The following PABPC4L variants were observed in gnomAD, a reference collection of about 807,000 sequenced individuals.
The protein encoded by PABPC4L is poly(A) binding protein cytoplasmic 4 like, also known as polyadenylate-binding protein 4-like.
For missense variants in PABPC4L, 452 were observed against 451.4 expected (o/e 1.00, Z -0.01); for synonymous variants, 169 against 164.1 (o/e 1.03, Z -0.23).
At chr4:134,148,761 C>T in the PABPC4L span, among the ~76,000 whole-genome samples, 2 of 152,088 alleles carry the variant, frequency 1.3e-5, no homozygotes, top group Non-Finnish European at 2.9e-5. Context: ...GTTATCCCTG[C>T]CAGTATACTA....
At chr4:133,992,140 G>A in the PABPC4L span, among the ~76,000 whole-genome samples, 5 of 152,286 alleles carry the variant, frequency 3.3e-5, no homozygotes, top group East Asian at 1.9e-4. Flanking sequence ...TAAGGGAATG[G>A]GATGTGGCTA....
At chr4:134,055,025 C>T in the PABPC4L span, among the ~76,000 whole-genome samples, 1 of 151,872 alleles carries the variant, frequency 6.6e-6, no homozygotes, top group Admixed American at 6.6e-5. Flanking sequence ...TGAATACATG[C>T]TAGGGTTTGG....
At chr4:134,062,957 T>C in the PABPC4L span, among the ~76,000 whole-genome samples, 3 of 152,086 alleles carry the variant, frequency 2.0e-5, no homozygotes, top group African/African-American at 7.2e-5. Context: ...TGTTTAAAAA[T>C]TATTTGGCAG....
the PABPC4L span, among the ~76,000 whole-genome samples, chr4:134,170,955 T>C: frequency 1.3e-5 from 2 of 152,294 alleles, no homozygotes; most frequent in South Asian, 2.1e-4. Context: ...CCCCCAGCAG[T>C]GTATAAGTGT....
the PABPC4L span, among the ~76,000 whole-genome samples, chr4:133,979,562 T>C: frequency 6.6e-6 from 1 of 152,098 alleles, no homozygotes; most frequent in Non-Finnish European, 1.5e-5. Context: ...TGCCTGGGCT[T>C]TCCGTATTAG....
the PABPC4L span, among the ~76,000 whole-genome samples, chr4:134,175,490 C>T: frequency 5.7e-4 from 86 of 151,544 alleles, 1 homozygote; most frequent in Admixed American, 4.9e-3. Flanking sequence ...GCTCTGTCGC[C>T]CAGGCTGAAT....
the PABPC4L span, among the ~76,000 whole-genome samples, chr4:133,952,792 A>T: frequency 6.6e-6 from 1 of 152,040 alleles, no homozygotes; most frequent in East Asian, 1.9e-4. Context: ...TAATCTAATA[A>T]TCAGGTCTCA....
the PABPC4L span, among the ~76,000 whole-genome samples, chr4:134,031,429 A>G: frequency 6.6e-6 from 1 of 152,096 alleles, no homozygotes; most frequent in Middle Eastern, 3.4e-3. Context: ...TGACTGCTTT[A>G]TCACATCATG....
At chr4:134,012,797 C>T in the PABPC4L span, among the ~76,000 whole-genome samples, 1 of 152,132 alleles carries the variant, frequency 6.6e-6, no homozygotes, top group African/African-American at 2.4e-5. Context: ...CTCTCTTCTC[C>T]AACCTCCCTC....
At chr4:134,133,717 G>T in the PABPC4L span, among the ~76,000 whole-genome samples, 2 of 151,782 alleles carry the variant, frequency 1.3e-5, no homozygotes, top group Non-Finnish European at 2.9e-5. Context: ...AGGGACAAAA[G>T]ACTATACACT....
At chr4:134,176,485 A>G in the PABPC4L span, among the ~76,000 whole-genome samples, 1 of 152,066 alleles carries the variant, frequency 6.6e-6, no homozygotes, top group African/African-American at 2.4e-5. Flanking sequence ...AAATAATAAT[A>G]ATGATAATAA....
the PABPC4L span, among the ~76,000 whole-genome samples, chr4:133,986,795 G>A: frequency 6.6e-6 from 1 of 151,738 alleles, no homozygotes; most frequent in Non-Finnish European, 1.5e-5. Flanking sequence ...GAGTGCAGTG[G>A]CACGATCTCA....
chr4:134,065,206 C>T, the PABPC4L span, among the ~76,000 whole-genome samples: 1 of 152,078 alleles, frequency 6.6e-6, no homozygotes, highest in South Asian at 2.1e-4. Flanking sequence ...ATTTACATTC[C>T]CACCAGCAAT....
chr4:134,138,417 TTCTG>T, the PABPC4L span, among the ~76,000 whole-genome samples: 11 of 151,806 alleles, frequency 7.2e-5, no homozygotes, highest in Admixed American at 5.9e-4. Context: ...AAGAAAAACT[TTCTG>T]TCTTTTTTCT....
the PABPC4L span, among the ~76,000 whole-genome samples, chr4:134,118,419 T>C: frequency 6.6e-6 from 1 of 151,842 alleles, no homozygotes; most frequent in Non-Finnish European, 1.5e-5. Context: ...AAATTAAAGC[T>C]AGCCAATATA....
the PABPC4L span, among the ~76,000 whole-genome samples, chr4:134,161,798 A>T: frequency 6.6e-6 from 1 of 152,092 alleles, no homozygotes; most frequent in Non-Finnish European, 1.5e-5. Flanking sequence ...TGCAGTAAGT[A>T]AAAAAGCTCA....
chr4:134,098,022 T>A, the PABPC4L span, among the ~76,000 whole-genome samples: 2 of 151,832 alleles, frequency 1.3e-5, no homozygotes, highest in Non-Finnish European at 2.9e-5. Flanking sequence ...TCTTATTCAT[T>A]TCTGATTCCT....
chr4:134,192,372 T>C (rs1729534580), downstream of PABPC4L, among the ~76,000 whole-genome samples: 1 of 152,094 alleles, frequency 6.6e-6, no homozygotes, highest in African/African-American at 2.4e-5. Flanking sequence ...TGCCAGAGGC[T>C]GTGGAGAGAT....
chr4:134,025,907 G>C, the PABPC4L span, among the ~76,000 whole-genome samples: 3 of 152,094 alleles, frequency 2.0e-5, no homozygotes, highest in African/African-American at 7.2e-5. Context: ...TTAAGGTAGG[G>C]CATGGTATTT....
Sources: allele counts gnomAD v4.1 joint callset (sites outside exome capture counted in the v4.1 genomes callset), GRCh38; gene constraint gnomAD v4.1.1; transcripts MANE v1.5; gene names NCBI Gene and HGNC (gene_info 2026-07-23, HGNC 2026-07-21).